The following LRMDA variants were observed in gnomAD, a reference collection of about 807,000 sequenced individuals.
The protein encoded by LRMDA is leucine rich melanocyte differentiation associated.
In LRMDA, 18 loss-of-function variants were observed where a neutral mutation model predicts 29.8. That is an observed-to-expected ratio of 0.60 (90% CI 0.42 to 0.90). LRMDA has a LOEUF of 0.90. LRMDA is among the 40% of genes least tolerant of loss of function. The pLI is 0.00. For missense variants in LRMDA, 273 were observed against 273.9 expected (o/e 1.00, Z 0.02); for synonymous variants, 125 against 109.4 (o/e 1.14, Z -0.89).
At chr10:75,897,525 T>C (rs1845603081) in intron 2 of LRMDA, among the ~76,000 whole-genome samples, 1 of 152,216 alleles carries the variant, frequency 6.6e-6, no homozygotes, top group Non-Finnish European at 1.5e-5. Flanking sequence ...TTCTTACCTC[T>C]ACCGAACCTT....
intron 6 of LRMDA, among the ~76,000 whole-genome samples, chr10:76,485,465 A>G (rs1385167372): frequency 6.6e-6 from 1 of 151,900 alleles, no homozygotes; most frequent in Non-Finnish European, 1.5e-5. Context: ...GCTGTCATTC[A>G]TTTCACTTAT....
chr10:76,001,076 G>T (rs1847554664), intron 2 of LRMDA, among the ~76,000 whole-genome samples: 1 of 152,138 alleles, frequency 6.6e-6, no homozygotes. Context: ...CTTGATTCCT[G>T]ATCTGATGCT....
chr10:76,068,515 C>A (rs142784863), intron 5 of LRMDA, among the ~76,000 whole-genome samples: 1 of 152,314 alleles, frequency 6.6e-6, no homozygotes, highest in African/African-American at 2.4e-5. Flanking sequence ...CTAGATCCCT[C>A]ACATGCACAG....
At chr10:76,358,013 C>G (rs1338634140) in intron 6 of LRMDA, among the ~76,000 whole-genome samples, 1 of 152,146 alleles carries the variant, frequency 6.6e-6, no homozygotes, top group Non-Finnish European at 1.5e-5. Context: ...ACAACAAAGT[C>G]CTCTCTAGAG....
intron 2 of LRMDA, among the ~76,000 whole-genome samples, chr10:75,970,118 T>C (rs1316928826): frequency 1.3e-5 from 2 of 152,230 alleles, no homozygotes; most frequent in Admixed American, 6.5e-5. Flanking sequence ...TGGATACTTG[T>C]ATCCACTTCT....
intron 2 of LRMDA, among the ~76,000 whole-genome samples, chr10:75,963,098 CT>C (rs1409859653): frequency 6.6e-6 from 1 of 152,236 alleles, no homozygotes; most frequent in African/African-American, 2.4e-5. Flanking sequence ...CCATAAGTCC[CT>C]GTCAATAGTT....
intron 2 of LRMDA, among the ~76,000 whole-genome samples, chr10:75,909,963 T>G (rs1307766307): frequency 6.6e-6 from 1 of 152,102 alleles, no homozygotes; most frequent in Admixed American, 6.5e-5. Flanking sequence ...CGGTAGCTAA[T>G]CTGTGATTTC....
chr10:76,456,727 A>G (rs1842460377), intron 6 of LRMDA, among the ~76,000 whole-genome samples: 3 of 151,668 alleles, frequency 2.0e-5, no homozygotes, highest in Admixed American at 1.3e-4. Flanking sequence ...AACTTGAAGT[A>G]AAAGTCAGCA....
chr10:75,740,109 A>G (rs751046750), intron 2 of LRMDA, among the ~76,000 whole-genome samples: 1 of 152,248 alleles, frequency 6.6e-6, no homozygotes, highest in Non-Finnish European at 1.5e-5. Flanking sequence ...ACGTTTATGT[A>G]CAGCCATACA....
intron 2 of LRMDA, among the ~76,000 whole-genome samples, chr10:75,760,474 C>G (rs1205979573): frequency 6.6e-6 from 1 of 152,064 alleles, no homozygotes; most frequent in African/African-American, 2.4e-5. Flanking sequence ...TCAGCTCATT[C>G]TTTTTTGAAA....
At chr10:75,621,645 G>C (rs529397294) in intron 2 of LRMDA, among the ~76,000 whole-genome samples, 1 of 152,186 alleles carries the variant, frequency 6.6e-6, no homozygotes, top group African/African-American at 2.4e-5. Flanking sequence ...GGGAGCAAGA[G>C]GGGGAGGCCT....
chr10:76,002,975 T>G lies in LRMDA; in HGVS notation c.132-33033T>G, dbSNP rs547316277. ...ATCTGCAGTTTATTTATTTATTTAT[T>G]TTTGCCATTTCCAGAATGGAAAACA... On this transcript the variant is annotated intron_variant, in intron 2 of 6. Coordinates refer to ENST00000611255, the MANE Select transcript of LRMDA (RefSeq NM_001305581.2). Among the ~76,000 whole-genome samples the G allele has an allele frequency of 1.7e-4, 26 of 152,290 alleles. No individual in the cohort carries two copies. The South Asian group carries it at 5.0e-3, about 29-fold the overall frequency.
chr10:76,251,821 G>A (rs1267168562), intron 5 of LRMDA, among the ~76,000 whole-genome samples: 1 of 152,180 alleles, frequency 6.6e-6, no homozygotes, highest in Non-Finnish European at 1.5e-5. Context: ...AAGAAACCCT[G>A]TTTGAAAAGT....
chr10:75,863,590 G>A (rs1470571357), intron 2 of LRMDA, among the ~76,000 whole-genome samples: 2 of 152,196 alleles, frequency 1.3e-5, no homozygotes, highest in Non-Finnish European at 2.9e-5. Context: ...CCTGTAAAAT[G>A]GGGATGATAT....
intron 2 of LRMDA, among the ~76,000 whole-genome samples, chr10:75,859,975 C>T (rs1844894081): frequency 6.6e-6 from 1 of 152,064 alleles, no homozygotes; most frequent in Non-Finnish European, 1.5e-5. Flanking sequence ...ATACATTCGA[C>T]CCAACACCAT....
intron 5 of LRMDA, among the ~76,000 whole-genome samples, chr10:76,286,581 C>T (rs1350407877): frequency 6.6e-6 from 1 of 152,146 alleles, no homozygotes; most frequent in Non-Finnish European, 1.5e-5. Flanking sequence ...CTCTCAGACT[C>T]CCACCCCTTT....
At chr10:75,838,916 G>A (rs1046300139) in intron 2 of LRMDA, among the ~76,000 whole-genome samples, 2 of 152,172 alleles carry the variant, frequency 1.3e-5, no homozygotes, top group Non-Finnish European at 2.9e-5. Flanking sequence ...ATTCTAGTAG[G>A]TGGGAGAGCA....
At chr10:75,467,915 C>T (rs1006299702) in intron 2 of LRMDA, among the ~76,000 whole-genome samples, 7 of 150,870 alleles carry the variant, frequency 4.6e-5, no homozygotes, top group East Asian at 2.0e-4. Context: ...GAGCCGAGAT[C>T]GCGTCACTGC....
chr10:75,878,248 A>G (rs906490636), intron 2 of LRMDA, among the ~76,000 whole-genome samples: 1 of 150,852 alleles, frequency 6.6e-6, no homozygotes, highest in South Asian at 2.1e-4. Flanking sequence ...ATCAGATTAC[A>G]TGTGGGATTG....
Sources: gnomAD v4.1 joint callset for allele counts (sites outside exome capture counted in the v4.1 genomes callset) on GRCh38, gnomAD v4.1.1 for gene constraint, MANE v1.5 for transcripts, NCBI Gene and HGNC (gene_info 2026-07-23, HGNC 2026-07-21) for gene names.